The following FAM83H variants were observed in gnomAD, a reference collection of about 807,000 sequenced individuals.
FAM83H encodes scaffolding CK1 anchoring protein H, also known as protein FAM83H.
In FAM83H, 24 loss-of-function variants were observed where a neutral mutation model predicts 30.2. The ratio of observed to expected loss-of-function variants is 0.79; its 90% CI spans 0.57 to 1.12. The LOEUF (loss-of-function observed/expected upper bound fraction) is 1.12, where lower values mean the gene tolerates loss of function less well. FAM83H is among the 50% of genes most tolerant of loss of function. The pLI, the probability that FAM83H is intolerant of heterozygous loss-of-function variation, is 0.00. For synonymous variants in FAM83H, 1,013 were observed against 821.7 expected, an observed-to-expected ratio of 1.23 and a Z score of -3.98; for missense variants, 2,038 against 1,773.9, an observed-to-expected ratio of 1.15 and a Z score of -2.67.
At chr8:143,729,380 C>T (rs2129685045) in intron 2 of FAM83H, 57 bp from the exon 3 acceptor site, 1 of 1,596,152 alleles carries the variant, frequency 6.3e-7, no homozygotes, top group East Asian at 2.2e-5. Context: ...ACACCATTGT[C>T]CAGCCTCCCC....
At position 143,730,544 on chromosome 8, in the gene FAM83H, G is replaced by A. The variant is rs1452555050; in HGVS notation, c.39C>T (p.Asn13=). ...GCGGCAGGTACCCGGGTGCCAGTGG[G>A]TTGTCCCCCTGCGAGGAGCTCTGAG... ...RRSQSSSQGD[N]PLAPGYLPPH... The change falls in exon 2 of 5, where the codon AAC becomes AAT. Residue 13 remains asparagine, a synonymous_variant. Coordinates refer to ENST00000388913, the MANE Select transcript of FAM83H (RefSeq NM_198488.5). 4 of 1,570,272 alleles carry A rather than the reference G, an allele frequency of 2.5e-6. No homozygotes were observed. Among genetic ancestry groups the A allele is most frequent in the African/African-American group, 2.7e-5 (2 of 74,256 alleles).
intron 1 of FAM83H, chr8:143,732,190 G>A: frequency 1.0e-6 from 1 of 985,452 alleles, no homozygotes; most frequent in Non-Finnish European, 1.2e-6. Flanking sequence ...GTGACATGGA[G>A]TTGAGACATG....
chr8:143,731,501 C>T, intron 1 of FAM83H: 1 of 985,478 alleles, frequency 1.0e-6, no homozygotes, highest in Non-Finnish European at 1.2e-6. Flanking sequence ...ATTGGGCTCC[C>T]ACAGCCCATT....
In FAM83H at chr8:143,725,889, GCACCC is replaced by G. The variant is rs781874617; in HGVS notation, c.*27_*31del. On this transcript the variant is annotated 3_prime_UTR_variant, in exon 5 of 5. Transcript: ENST00000388913. Reference sequence around the variant, plus strand: ...CTGGATGACCGGGGCAGCGATGCGGGCACCCTGGCCTGGGTTGCCAGGCCAGAAGA... The same window carrying G: ...CTGGATGACCGGGGCAGCGATGCGGGTGGCCTGGGTTGCCAGGCCAGAAGA... 27 of 1,609,034 alleles carry G rather than the reference GCACCC, an allele frequency of 1.7e-5. No homozygotes were observed. The South Asian group carries it at 2.9e-4, about 17-fold the overall frequency.
At position 143,725,524 on chromosome 8, in the gene FAM83H, A is replaced by T; in HGVS notation, c.*397T>A. On this transcript the variant is annotated 3_prime_UTR_variant, in exon 5 of 5. Coordinates refer to ENST00000388913, the MANE Select transcript of FAM83H (RefSeq NM_198488.5). ...GGCAGGAGAATCGCTGGAACCCGGG[A>T]GGCAGAGGTTGCAGTGAGCCCAGAC... The T allele has an allele frequency of 3.9e-6, 1 of 253,474 alleles. No individual in the cohort carries two copies. The highest frequency in any genetic ancestry group is 2.2e-5 in the African/African-American group (1 of 44,740). 15.7% of individuals were successfully genotyped at this position (253,474 alleles called of 1,614,324 possible). A position where few individuals can be genotyped will look rare whatever the true frequency, so the allele number is the denominator to read the frequency against.
rs782372579 is a variant in FAM83H, at chr8:143,728,187, G to A, written c.1274C>T (p.Ala425Val). 6.2e-7 allele frequency: 1 copy of A among 1,605,376 alleles called. No individual in the cohort carries two copies. The highest frequency in any genetic ancestry group is 1.7e-5 in the Admixed American group (1 of 59,718). ...CGTCTGCCGCGACACCTGCCGCGCGGCCGCGAAGTTCTCCACGGCGCCCGC... is the reference window on the plus strand; with the variant it reads ...CGTCTGCCGCGACACCTGCCGCGCGACCGCGAAGTTCTCCACGGCGCCCGC... ...EGAGAVENFA[A>V]ARQVSRQTFL... Residue 425 changes from alanine (A) to valine (V), a missense_variant, in exon 5 of 5, where the codon GCC becomes GTC. Physicochemically the swap from Ala to Val is moderately conservative, Grantham distance 64. Transcript: ENST00000388913.
rs782590695 is a variant in FAM83H at position 143,727,330 on chromosome 8, T to C, written c.2131A>G (p.Lys711Glu). 14 of 1,558,352 alleles carry C rather than the reference T, an allele frequency of 9.0e-6. No individual in the cohort carries two copies. Among genetic ancestry groups the C allele is most frequent in the African/African-American group, 1.3e-5 (1 of 74,130 alleles). Residue 711 changes from lysine to glutamate, a missense_variant, in exon 5 of 5, where the codon AAG (lysine) becomes GAG (glutamate). Coordinates refer to ENST00000388913, the MANE Select transcript of FAM83H (RefSeq NM_198488.5). The part of the protein sequence containing the change: ...AATEKVQLLH[K>E]EQTVSETLGP... ...AGCGTCTCGCTGACCGTCTGCTCCT[T>C]GTGCAGCAGCTGCACCTTCTCAGTG...
intron 2 of FAM83H, 116 bp downstream of exon 2, chr8:143,730,020 A>G: frequency 1.0e-6 from 1 of 956,840 alleles, no homozygotes; most frequent in South Asian, 1.9e-5. Flanking sequence ...AGGGACCCCC[A>G]CTCCAGCTGG....
chr8:143,729,447 T>C (rs1249458468), intron 2 of FAM83H, 124 bp from the exon 3 acceptor site: 1 of 1,088,456 alleles, frequency 9.2e-7, no homozygotes, highest in African/African-American at 1.6e-5. Context: ...AGCTAGTCCA[T>C]CCTAGGGAGT....
At position 143,725,771 on chromosome 8, in the gene FAM83H, C is replaced by T. The variant is rs1236480094; in HGVS notation, c.*150G>A. On this transcript the variant is annotated 3_prime_UTR_variant, in exon 5 of 5. Coordinates refer to ENST00000388913, the MANE Select transcript of FAM83H (RefSeq NM_198488.5). ...CTGCCAGGTGAGCCTCCAGTGGAGC[C>T]GAGGTCTGGCGCACTCAGCCAAGCC... 5.1e-6 allele frequency: 7 copies of T among 1,367,574 alleles called. No homozygotes were observed. The African/African-American group carries it at 8.7e-5, about 17-fold the overall frequency. The allele number at this position is 1,367,574 out of a possible 1,614,324, so 84.7% of individuals were successfully genotyped here. A position where few individuals can be genotyped will look rare whatever the true frequency, so the allele number is the denominator to read the frequency against.
In FAM83H at chr8:143,730,567, G is replaced by A; in HGVS notation, c.16C>T (p.Gln6Ter). 1.3e-6 allele frequency: 2 copies of A among 1,553,506 alleles called. No homozygotes were observed. The highest frequency in any genetic ancestry group is 1.7e-6 in the Non-Finnish European group (2 of 1,151,266). MARRS[Q>*]SSSQGDNPLA... ...GGGTTGTCCCCCTGCGAGGAGCTCT[G>A]AGAGCGACGGGCCATGTTGGGGCCA... is the stretch of plus-strand genomic sequence containing the variant. Residue 6 changes from glutamine to a stop codon, truncating the protein, a stop_gained, in exon 2 of 5, where the codon CAG becomes TAG. Coordinates refer to ENST00000388913, the MANE Select transcript of FAM83H (RefSeq NM_198488.5). LOFTEE classifies it high-confidence loss of function.
chr8:143,732,231 G>A, intron 1 of FAM83H: 2 of 985,436 alleles, frequency 2.0e-6, no homozygotes, highest in Non-Finnish European at 2.4e-6. Context: ...AACAGCCCTA[G>A]ATGCCAACCG....
chr8:143,726,363 C>T lies in FAM83H; in HGVS notation c.3098G>A (p.Ser1033Asn). 6.2e-7 allele frequency: 1 copy of T among 1,611,442 alleles called. No individual in the cohort carries two copies. The highest frequency in any genetic ancestry group is 8.5e-7 in the Non-Finnish European group (1 of 1,179,596). ...LSSATANALY[S>N]SNLRDDTKAI... is the part of the protein sequence containing the mutation. ...CTTCGTGTCATCCCGAAGGTTGCTGCTGTACAAGGCGTTGGCCGTGGCTGA... is the reference window on the plus strand; with the variant it reads ...CTTCGTGTCATCCCGAAGGTTGCTGTTGTACAAGGCGTTGGCCGTGGCTGA... Residue 1033 changes from serine (S) to asparagine (N), a missense_variant, in exon 5 of 5, where the codon AGC becomes AAC. Coordinates refer to ENST00000388913, the MANE Select transcript of FAM83H (RefSeq NM_198488.5).
In FAM83H at chr8:143,733,414, C is replaced by A. The variant is rs530851514; in HGVS notation, c.-16+277G>T. On this transcript the variant is annotated intron_variant, in intron 1 of 4. Coordinates refer to ENST00000388913, the MANE Select transcript of FAM83H (RefSeq NM_198488.5). The surrounding 1 kb of genome is among the most constrained non-coding windows in gnomAD (Gnocchi z 5.6). ...GCGAGTCGGGACGGCCGGGCAGGCT[C>A]GACCCGGATCCCGGGCCCCTTCCCC... 1.3e-5 allele frequency among the ~76,000 whole-genome samples: 2 copies of A among 152,156 alleles called. No homozygotes were observed. Among genetic ancestry groups the A allele is most frequent in the Non-Finnish European group, 2.9e-5 (2 of 67,990 alleles).
chr8:143,728,978 A>G lies in FAM83H; in HGVS notation c.726T>C (p.Ser242=). Residue 242 remains serine, a synonymous_variant, in exon 4 of 5, where the codon AGT becomes AGC. Coordinates refer to ENST00000388913, the MANE Select transcript of FAM83H (RefSeq NM_198488.5). The part of the protein sequence containing the change: ...FLLVDCAVVM[S]GSYSFMWSFE... ...CCCCGCGGGCGCACCTGTAGCTCCC[A>G]CTCATCACCACGGCACAGTCCACCA... 1 of 1,613,600 alleles carries G rather than the reference A, an allele frequency of 6.2e-7. No homozygotes were observed. The highest frequency in any genetic ancestry group is 2.2e-5 in the East Asian group (1 of 44,850).
rs1563760064 is a variant in FAM83H at position 143,728,336 on chromosome 8, C to G, written c.1125G>C (p.Pro375=). The G allele has an allele frequency of 1.4e-6, 2 of 1,454,824 alleles. No homozygotes were observed. The highest frequency in any genetic ancestry group is 2.9e-5 in the East Asian group (1 of 34,910). The allele number at this position is 1,454,824 out of a possible 1,614,324, so 90.1% of individuals were successfully genotyped here. The change falls in exon 5 of 5, where the codon CCG becomes CCC. Residue 375 remains proline, a synonymous_variant. Coordinates refer to ENST00000388913, the MANE Select transcript of FAM83H (RefSeq NM_198488.5). The stretch of plus-strand genomic sequence containing the variant: ...CCTCGGCCTCCAGGCGCCGCGAGAG[C>G]GGCCGCAGCCCCGCGTGCGGTTCCA... ...GALEPHAGLR[P]LSRRLEAEAG... is the part of the protein sequence containing the mutation.
chr8:143,726,910 G>A lies in FAM83H; in HGVS notation c.2551C>T (p.Pro851Ser), dbSNP rs781790565. 10 of 1,612,538 alleles carry A rather than the reference G, an allele frequency of 6.2e-6. No individual in the cohort carries two copies. Among genetic ancestry groups the A allele is most frequent in the African/African-American group, 1.3e-5 (1 of 75,054 alleles). Residue 851 changes from proline (P) to serine (S), a missense_variant, in exon 5 of 5, where the codon CCT (proline) becomes TCT (serine). By Grantham distance (74) the Pro-to-Ser change is moderately conservative (BLOSUM62 -1). Coordinates refer to ENST00000388913, the MANE Select transcript of FAM83H (RefSeq NM_198488.5). Reference sequence around the variant, plus strand: ...GCTCCGGACCCTTCCAGCGGCAGAGGGCTGTCCAGCCCTTGCGGGGACGTT... The same window carrying A: ...GCTCCGGACCCTTCCAGCGGCAGAGAGCTGTCCAGCCCTTGCGGGGACGTT... ...HSTSPQGLDS[P>S]LPLEGSGAHQ...
chr8:143,730,815 G>T (rs7813203), intron 1 of FAM83H, among the ~76,000 whole-genome samples: 7,568 of 152,246 alleles, frequency 0.05, 647 homozygotes, highest in African/African-American at 0.17. Flanking sequence ...GCAGAGGGCT[G>T]GGGCACAGGT....
chr8:143,725,110 A>T lies in FAM83H; in HGVS notation c.*811T>A, dbSNP rs1818232010. 7.6e-6 allele frequency: 1 copy of T among 131,990 alleles called. No individual in the cohort carries two copies. The highest frequency in any genetic ancestry group is 1.6e-5 in the Non-Finnish European group (1 of 63,106). 8.2% of individuals were successfully genotyped at this position (131,990 alleles called of 1,614,324 possible). A position where few individuals can be genotyped will look rare whatever the true frequency, so the allele number is the denominator to read the frequency against. ...ATGCTGGGAGGCAGCGAGCAGGAGA[A>T]TCCAAGTAGGAAAGGAAGTGAAGCC... On this transcript the variant is annotated 3_prime_UTR_variant, in exon 5 of 5. Coordinates refer to ENST00000388913, the MANE Select transcript of FAM83H (RefSeq NM_198488.5).
Sources: allele counts gnomAD v4.1 joint callset (sites outside exome capture counted in the v4.1 genomes callset), GRCh38; gene constraint gnomAD v4.1.1; non-coding constraint Gnocchi (gnomAD v3.1); transcripts MANE v1.5; gene names NCBI Gene and HGNC (gene_info 2026-07-23, HGNC 2026-07-21).